Variants in DOCK2 observed in about 807,000 individuals in gnomAD.
DOCK2 encodes the protein dedicator of cytokinesis 2.
In DOCK2, 87 loss-of-function variants were observed where a neutral mutation model predicts 248.9. That is an observed-to-expected ratio of 0.35 (90% CI 0.29 to 0.42). The LOEUF is 0.42. Ranked by LOEUF, DOCK2 falls within the 10% of genes least tolerant of loss-of-function variation. The probability of loss-of-function intolerance (pLI) is 1.00; values close to 1 mark genes in which losing one functional copy is unlikely to be tolerated. For missense variants in DOCK2, 1,747 were observed against 2,300.2 expected (o/e 0.76, Z 4.92); for synonymous variants, 805 against 821.6 (o/e 0.98, Z 0.35).
chr5:169,869,651 G>C (rs1157993016), intron 27 of DOCK2, among the ~76,000 whole-genome samples: 1 of 152,150 alleles, frequency 6.6e-6, no homozygotes, highest in East Asian at 1.9e-4. Flanking sequence ...TTCTTACTTA[G>C]CTACTACACC....
chr5:169,815,333 T>G (rs1334759050), intron 26 of DOCK2, among the ~76,000 whole-genome samples: 1 of 152,246 alleles, frequency 6.6e-6, no homozygotes, highest in Non-Finnish European at 1.5e-5. Context: ...CCAGGTTCTG[T>G]TCCATCAGCA....
intron 9 of DOCK2, among the ~76,000 whole-genome samples, chr5:169,691,012 G>C (rs1390852608): frequency 1.3e-5 from 2 of 152,146 alleles, no homozygotes; most frequent in Admixed American, 1.3e-4. Context: ...AAAGAAAAGA[G>C]CTTTAATTGG....
At chr5:169,731,576 T>A (rs1350906644) in intron 22 of DOCK2, among the ~76,000 whole-genome samples, 1 of 152,172 alleles carries the variant, frequency 6.6e-6, no homozygotes, top group Non-Finnish European at 1.5e-5. Context: ...AACGGACTAA[T>A]ACAGACCCTT....
chr5:169,862,038 A>G (rs1771235088), intron 27 of DOCK2, among the ~76,000 whole-genome samples: 1 of 151,984 alleles, frequency 6.6e-6, no homozygotes, highest in Non-Finnish European at 1.5e-5. Flanking sequence ...AACTGGAAAC[A>G]TATCTATGAC....
rs192588983 is a variant in DOCK2 at position 169,772,663 on chromosome 5, T to A, written c.2554+11038T>A. 2.6e-5 allele frequency among the ~76,000 whole-genome samples: 4 copies of A among 152,332 alleles called. No individual in the cohort carries two copies. The East Asian group carries it at 7.7e-4, about 29-fold the overall frequency. ...AATGAAAATCTATGTTTTAAAAAAG[T>A]CATCCTCTGCTTCACAGTGATAATA... On this transcript the variant is annotated intron_variant, in intron 25 of 51. Coordinates refer to ENST00000520908, the MANE Select transcript of DOCK2 (RefSeq NM_004946.3).
intron 22 of DOCK2, among the ~76,000 whole-genome samples, chr5:169,721,587 A>G (rs1762206905): frequency 6.6e-6 from 1 of 152,178 alleles, no homozygotes; most frequent in Non-Finnish European, 1.5e-5. Flanking sequence ...TTTGGGGCTA[A>G]TTGTATCTGG....
At chr5:170,002,609 T>G (rs533104826) in intron 30 of DOCK2, among the ~76,000 whole-genome samples, 1 of 152,330 alleles carries the variant, frequency 6.6e-6, no homozygotes, top group South Asian at 2.1e-4. Flanking sequence ...CTTTTATAAT[T>G]TTTTGAGAGT....
At chr5:169,955,909 C>T (rs558604173) in intron 27 of DOCK2, among the ~76,000 whole-genome samples, 6 of 152,150 alleles carry the variant, frequency 3.9e-5, no homozygotes, top group Non-Finnish European at 8.8e-5. Flanking sequence ...CTGCTCAAGT[C>T]AGAACAAGCC....
intron 23 of DOCK2, among the ~76,000 whole-genome samples, chr5:169,749,275 AG>A (rs1033671233): frequency 1.8e-4 from 28 of 152,180 alleles, no homozygotes; most frequent in Non-Finnish European, 2.9e-4. Context: ...TATGTCTCTG[AG>A]GTGGAAATCT....
At chr5:169,819,384 G>T (rs968561943) in intron 26 of DOCK2, among the ~76,000 whole-genome samples, 2 of 152,206 alleles carry the variant, frequency 1.3e-5, no homozygotes, top group Admixed American at 6.5e-5. Flanking sequence ...ACTTTGGGAA[G>T]CCAAAGCTAG....
chr5:169,830,957 A>G (rs1011538720), intron 26 of DOCK2, among the ~76,000 whole-genome samples: 5 of 152,180 alleles, frequency 3.3e-5, no homozygotes, highest in African/African-American at 1.2e-4. Context: ...CTGGGTGTAC[A>G]TCCCTGGGAT....
At chr5:169,885,913 G>A (rs914402884) in intron 27 of DOCK2, among the ~76,000 whole-genome samples, 3 of 152,028 alleles carry the variant, frequency 2.0e-5, no homozygotes, top group African/African-American at 4.8e-5. Context: ...TTAGACTTAC[G>A]GGGAAATTGA....
At chr5:169,925,803 A>G (rs965669459) in intron 27 of DOCK2, among the ~76,000 whole-genome samples, 2 of 152,066 alleles carry the variant, frequency 1.3e-5, no homozygotes, top group Admixed American at 6.6e-5. Flanking sequence ...TGAGTCCTTC[A>G]TACATATTAT....
chr5:169,990,982 G>A (rs574897306), intron 29 of DOCK2, among the ~76,000 whole-genome samples: 47 of 152,352 alleles, frequency 3.1e-4, no homozygotes, highest in African/African-American at 9.1e-4. Flanking sequence ...GAGGACATCT[G>A]TGTGCCCAGG....
intron 6 of DOCK2, among the ~76,000 whole-genome samples, chr5:169,677,817 T>G (rs1759419446): frequency 6.6e-6 from 1 of 152,196 alleles, no homozygotes. Context: ...TGGGGAAACA[T>G]ACAGGCTCAC....
At chr5:169,690,276 T>C (rs982061820) in intron 9 of DOCK2, among the ~76,000 whole-genome samples, 2 of 152,180 alleles carry the variant, frequency 1.3e-5, no homozygotes, top group East Asian at 3.9e-4. Context: ...ACACTGTTTA[T>C]GAGATTTTTC....
intron 9 of DOCK2, among the ~76,000 whole-genome samples, chr5:169,692,183 C>A (rs1375110082): frequency 2.0e-5 from 3 of 152,136 alleles, no homozygotes; most frequent in Non-Finnish European, 4.4e-5. Flanking sequence ...GGGTTTACCC[C>A]ACAAGGCTAT....
chr5:169,650,913 G>T (rs560769954), intron 1 of DOCK2, among the ~76,000 whole-genome samples: 1 of 152,320 alleles, frequency 6.6e-6, no homozygotes, highest in South Asian at 2.1e-4. Flanking sequence ...AGTATTTGCG[G>T]GAATGGCCGA....
At chr5:169,995,971 A>G in intron 29 of DOCK2, 115 bp from the exon 30 acceptor site, 1 of 1,019,610 alleles carries the variant, frequency 9.8e-7, no homozygotes, top group Non-Finnish European at 1.4e-6. Context: ...TAAATCAGTA[A>G]TTTGGCCTTT....
Sources: allele counts gnomAD v4.1 joint callset (sites outside exome capture counted in the v4.1 genomes callset), GRCh38; gene constraint gnomAD v4.1.1; transcripts MANE v1.5; gene names NCBI Gene and HGNC (gene_info 2026-07-23, HGNC 2026-07-21).